The following IFT43 variants were observed in gnomAD, a reference collection of about 807,000 sequenced individuals.
IFT43 encodes the protein intraflagellar transport 43.
IFT43 carries 33 observed loss-of-function variants against 32.3 expected under a neutral mutation model. The observed-to-expected ratio is 1.02, with a 90% CI of 0.77 to 1.37. IFT43 has a LOEUF of 1.37. IFT43 is among the 40% of genes most tolerant of loss of function. The probability of loss-of-function intolerance (pLI) is 0.00; values close to 1 mark genes in which losing one functional copy is unlikely to be tolerated. For missense variants in IFT43, 274 were observed against 265.9 expected (o/e 1.03, Z -0.21); for synonymous variants, 93 against 98.2 (o/e 0.95, Z 0.31).
At chr14:76,027,302 C>T (rs2036416559) in intron 3 of IFT43, among the ~76,000 whole-genome samples, 2 of 150,178 alleles carry the variant, frequency 1.3e-5, no homozygotes, top group Admixed American at 6.8e-5. Context: ...ACCCTCTCCT[C>T]CCACTTTTTT....
intron 5 of IFT43, among the ~76,000 whole-genome samples, chr14:76,070,682 C>T (rs1238294472): frequency 1.3e-5 from 2 of 152,226 alleles, no homozygotes; most frequent in African/African-American, 4.8e-5. Flanking sequence ...ATGGGGCTGG[C>T]TTTCTCATGA....
intron 3 of IFT43, among the ~76,000 whole-genome samples, chr14:76,053,473 C>T (rs918953584): frequency 2.0e-5 from 3 of 152,282 alleles, no homozygotes; most frequent in Non-Finnish European, 4.4e-5. Context: ...GTCACGACAG[C>T]AAGACAACCG....
In IFT43 at chr14:76,057,888, C is replaced by T. The variant is rs532415182; in HGVS notation, c.216-754C>T. Among the ~76,000 whole-genome samples, 19 of 152,304 alleles carry T rather than the reference C, an allele frequency of 1.2e-4. No individual in the cohort carries two copies. The South Asian group carries it at 3.3e-3, about 27-fold the overall frequency. On this transcript the variant is annotated intron_variant, in intron 3 of 8. Transcript: ENST00000314067. ...TCAACTTTAATAATCATCAACATTTCGCCAGTCTTATTAGAAAACTTCACA... is the reference window on the plus strand; with the variant it reads ...TCAACTTTAATAATCATCAACATTTTGCCAGTCTTATTAGAAAACTTCACA...
chr14:76,060,532 G>A (rs2037110588), intron 5 of IFT43, among the ~76,000 whole-genome samples: 1 of 130,356 alleles, frequency 7.7e-6, no homozygotes, highest in African/African-American at 2.5e-5. Context: ...AATTGTCAAA[G>A]CCTTTTTTTT....
intron 2 of IFT43, among the ~76,000 whole-genome samples, chr14:76,019,214 GGT>G (rs1415733578): frequency 2.6e-5 from 4 of 151,902 alleles, no homozygotes; most frequent in Non-Finnish European, 5.9e-5. Flanking sequence ...TTTTCATGAT[GGT>G]ATATATTGTT....
intron 2 of IFT43, among the ~76,000 whole-genome samples, chr14:76,010,603 T>C (rs1233298971): frequency 6.6e-6 from 1 of 151,968 alleles, no homozygotes; most frequent in Non-Finnish European, 1.5e-5. Flanking sequence ...ATATGTTTTA[T>C]ACATAATTTT....
At chr14:76,063,776 T>C (rs965422769) in intron 5 of IFT43, among the ~76,000 whole-genome samples, 1 of 152,232 alleles carries the variant, frequency 6.6e-6, no homozygotes, top group Non-Finnish European at 1.5e-5. Flanking sequence ...CTGTAAAACT[T>C]AGATAATTCT....
At chr14:76,012,697 G>C (rs1231771563) in intron 2 of IFT43, among the ~76,000 whole-genome samples, 1 of 152,234 alleles carries the variant, frequency 6.6e-6, no homozygotes, top group Non-Finnish European at 1.5e-5. Context: ...CACAAGAGAT[G>C]CACTGCCTGA....
rs548548120 is a variant in IFT43, at chr14:76,080,102, G to A, written c.296-2193G>A. 5.9e-5 allele frequency among the ~76,000 whole-genome samples: 9 copies of A among 152,310 alleles called. No homozygotes were observed. In the East Asian group the frequency reaches 1.5e-3, roughly 26 times the overall value. ...GCAGACACCTGTTCTGCTGGGGGCC[G>A]GAGTTGGATGGCCTGCCTCTGCTGC... On this transcript the variant is annotated intron_variant, in intron 5 of 8. Coordinates refer to ENST00000314067, the MANE Select transcript of IFT43 (RefSeq NM_001102564.3).
At chr14:76,058,856 G>A in intron 4 of IFT43, 182 bp downstream of exon 4, 2 of 1,519,154 alleles carry the variant, frequency 1.3e-6, no homozygotes, top group Non-Finnish European at 1.8e-6. Flanking sequence ...TGAAGGTCTG[G>A]ACCCTGGCAT....
intron 1 of IFT43, among the ~76,000 whole-genome samples, chr14:75,987,925 T>A (rs2035560530): frequency 6.6e-6 from 1 of 152,254 alleles, no homozygotes; most frequent in South Asian, 2.1e-4. Flanking sequence ...GAGCAAATGC[T>A]GTTTTCCATT....
intron 3 of IFT43, among the ~76,000 whole-genome samples, chr14:76,029,112 G>GA (rs1226744536): frequency 1.3e-5 from 2 of 151,970 alleles, no homozygotes; most frequent in Non-Finnish European, 2.9e-5. Context: ...CTTTTTTTCA[G>GA]AAGCCTCACC....
At chr14:76,040,300 A>G (rs1415664517) in intron 3 of IFT43, among the ~76,000 whole-genome samples, 1 of 152,214 alleles carries the variant, frequency 6.6e-6, no homozygotes, top group Non-Finnish European at 1.5e-5. Context: ...TTCCTGTCTC[A>G]GTAAAAGTAA....
intron 2 of IFT43, among the ~76,000 whole-genome samples, chr14:76,000,491 C>T (rs944677545): frequency 6.6e-5 from 10 of 151,304 alleles, no homozygotes; most frequent in African/African-American, 2.4e-4. Context: ...CCAGGATTGT[C>T]TCGATCTCCT....
chr14:76,060,211 G>GTTA (rs926453770), intron 5 of IFT43, among the ~76,000 whole-genome samples: 69 of 151,772 alleles, frequency 4.5e-4, no homozygotes, highest in African/African-American at 1.4e-3. Flanking sequence ...AATTATTATT[G>GTTA]TTATTATTAT....
At chr14:76,077,131 C>T (rs2037426654) in intron 5 of IFT43, among the ~76,000 whole-genome samples, 1 of 152,030 alleles carries the variant, frequency 6.6e-6, no homozygotes, top group Non-Finnish European at 1.5e-5. Flanking sequence ...AGGTTGGAAG[C>T]CAGATGGGCC....
intron 3 of IFT43, among the ~76,000 whole-genome samples, chr14:76,037,303 T>C (rs995809750): frequency 1.3e-5 from 2 of 152,214 alleles, no homozygotes; most frequent in African/African-American, 4.8e-5. Context: ...TGTCCGGTCA[T>C]TCCACTTTCA....
intron 2 of IFT43, among the ~76,000 whole-genome samples, chr14:75,998,307 T>A (rs1363642440): frequency 2.0e-5 from 3 of 152,120 alleles, no homozygotes; most frequent in Non-Finnish European, 4.4e-5. Context: ...CTGCAGGAAA[T>A]GCCCAAGAGG....
chr14:76,026,033 C>G (rs370631108), intron 3 of IFT43, among the ~76,000 whole-genome samples: 54 of 152,092 alleles, frequency 3.6e-4, no homozygotes, highest in African/African-American at 1.3e-3. Context: ...TGGGAGAAAA[C>G]TTTTGCAAAC....
Sources: allele counts gnomAD v4.1 joint callset (sites outside exome capture counted in the v4.1 genomes callset), GRCh38; gene constraint gnomAD v4.1.1; transcripts MANE v1.5; gene names NCBI Gene and HGNC (gene_info 2026-07-23, HGNC 2026-07-21).